GRID2: variants seen among roughly 807,000 people sequenced by gnomAD.
The protein encoded by GRID2 is glutamate ionotropic receptor delta type subunit 2.
A neutral mutation model predicts 114.8 loss-of-function variants in GRID2; 33 were observed. The ratio of observed to expected loss-of-function variants is 0.29; its 90% CI spans 0.22 to 0.38. GRID2 has a LOEUF of 0.38. Among genes scored for constraint, GRID2 ranks in the 10% least tolerant of loss-of-function variants. The pLI is 1.00. For synonymous variants in GRID2, 505 were observed against 449.9 expected, an observed-to-expected ratio of 1.12 and a Z score of -1.55; for missense variants, 1,184 against 1,257.7, an observed-to-expected ratio of 0.94 and a Z score of 0.89.
chr4:92,439,388 G>A (rs1732903510), intron 1 of GRID2, among the ~76,000 whole-genome samples: 1 of 151,998 alleles, frequency 6.6e-6, no homozygotes, highest in Non-Finnish European at 1.5e-5. Context: ...GCTTGGCTTG[G>A]GCTCAGAGGC....
chr4:92,348,282 C>T (rs892964398), intron 1 of GRID2, among the ~76,000 whole-genome samples: 4 of 152,104 alleles, frequency 2.6e-5, no homozygotes, highest in Non-Finnish European at 4.4e-5. Context: ...ATATTTTAGG[C>T]GAATCCTTCT....
At chr4:93,411,624 G>A (rs768625370) in intron 9 of GRID2, among the ~76,000 whole-genome samples, 4 of 151,860 alleles carry the variant, frequency 2.6e-5, no homozygotes, top group African/African-American at 9.7e-5. Flanking sequence ...TAGTAGAGAC[G>A]AGTTTCACTA....
chr4:93,258,339 A>T (rs1749855753), intron 8 of GRID2, among the ~76,000 whole-genome samples: 3 of 151,760 alleles, frequency 2.0e-5, no homozygotes, highest in Admixed American at 2.0e-4. Context: ...TGGGTGAAAT[A>T]GAATAAAAAA....
intron 8 of GRID2, among the ~76,000 whole-genome samples, chr4:93,391,577 A>G (rs965862492): frequency 6.6e-6 from 1 of 152,172 alleles, no homozygotes; most frequent in Non-Finnish European, 1.5e-5. Flanking sequence ...GTATTCAATT[A>G]AGATCTCCCC....
chr4:93,382,109 A>C (rs1490177224), intron 8 of GRID2, among the ~76,000 whole-genome samples: 1 of 152,062 alleles, frequency 6.6e-6, no homozygotes, highest in Non-Finnish European at 1.5e-5. Flanking sequence ...CTGATAAGAT[A>C]TATGCTTATA....
chr4:92,943,287 C>G (rs1289411544), intron 2 of GRID2, among the ~76,000 whole-genome samples: 1 of 152,064 alleles, frequency 6.6e-6, no homozygotes, highest in Non-Finnish European at 1.5e-5. Flanking sequence ...TCTTTTTTCT[C>G]TGAACTTCTC....
chr4:92,832,621 C>T (rs1386689684), intron 2 of GRID2, among the ~76,000 whole-genome samples: 2 of 152,076 alleles, frequency 1.3e-5, no homozygotes, highest in Middle Eastern at 3.4e-3. Flanking sequence ...CTCAAAATCC[C>T]GACCTCAGGT....
intron 4 of GRID2, among the ~76,000 whole-genome samples, chr4:93,186,194 T>A (rs1228472094): frequency 6.6e-6 from 1 of 152,190 alleles, no homozygotes; most frequent in Non-Finnish European, 1.5e-5. Flanking sequence ...TTGTGAATAG[T>A]GCCGCAATAA....
At chr4:93,380,477 A>G (rs1189119695) in intron 8 of GRID2, among the ~76,000 whole-genome samples, 2 of 151,018 alleles carry the variant, frequency 1.3e-5, no homozygotes, top group East Asian at 3.9e-4. Flanking sequence ...GTCGTGATCT[A>G]GTTTGCCTTA....
chr4:93,428,314 C>G (rs1279829966), intron 10 of GRID2, among the ~76,000 whole-genome samples: 2 of 151,996 alleles, frequency 1.3e-5, no homozygotes, highest in Admixed American at 1.3e-4. Flanking sequence ...AATCTTAATG[C>G]TAAACTCTAC....
chr4:92,509,644 G>A (rs1348984651), intron 1 of GRID2, among the ~76,000 whole-genome samples: 1 of 151,948 alleles, frequency 6.6e-6, no homozygotes, highest in South Asian at 2.1e-4. Flanking sequence ...AGGACATTGA[G>A]GTAGAGTAGT....
At chr4:92,896,065 C>T (rs1373988442) in intron 2 of GRID2, among the ~76,000 whole-genome samples, 1 of 152,106 alleles carries the variant, frequency 6.6e-6, no homozygotes, top group East Asian at 1.9e-4. Context: ...CACTTTAGTA[C>T]GTAAATTCCA....
chr4:93,349,235 A>C (rs1195316877), intron 8 of GRID2, among the ~76,000 whole-genome samples: 1 of 152,126 alleles, frequency 6.6e-6, no homozygotes, highest in Non-Finnish European at 1.5e-5. Flanking sequence ...GTCTTATCTC[A>C]CACAGGAGAA....
At chr4:93,570,006 A>G (rs1436116416) in intron 13 of GRID2, among the ~76,000 whole-genome samples, 3 of 152,178 alleles carry the variant, frequency 2.0e-5, no homozygotes, top group Admixed American at 6.6e-5. Context: ...TCTCAATGTT[A>G]TTAGAATATG....
chr4:93,096,750 G>C (rs1468773676), intron 3 of GRID2, among the ~76,000 whole-genome samples: 2 of 151,892 alleles, frequency 1.3e-5, no homozygotes, highest in African/African-American at 2.4e-5. Context: ...CCACTTAGGA[G>C]AGCTGTTTGG....
intron 1 of GRID2, among the ~76,000 whole-genome samples, chr4:92,571,554 C>G (rs887473671): frequency 6.6e-6 from 1 of 152,192 alleles, no homozygotes; most frequent in African/African-American, 2.4e-5. Flanking sequence ...CTACAGAACT[C>G]TCCACCCCAA....
intron 14 of GRID2, among the ~76,000 whole-genome samples, chr4:93,648,041 T>G (rs1722264036): frequency 6.6e-6 from 1 of 152,164 alleles, no homozygotes; most frequent in Admixed American, 6.6e-5. Context: ...AGCTAGGATT[T>G]GAATCCAGAC....
chr4:93,534,581 A>T (rs998281759), intron 13 of GRID2, among the ~76,000 whole-genome samples: 4 of 152,160 alleles, frequency 2.6e-5, no homozygotes, highest in African/African-American at 9.6e-5. Flanking sequence ...TGCCTAAAAG[A>T]TAGAAGATTC....
chr4:92,993,939 A>G (rs1363733217), intron 2 of GRID2, among the ~76,000 whole-genome samples: 1 of 152,174 alleles, frequency 6.6e-6, no homozygotes, highest in South Asian at 2.1e-4. Flanking sequence ...TAAATTATAA[A>G]CATTACTGAA....
Sources: gnomAD v4.1 joint callset for allele counts (sites outside exome capture counted in the v4.1 genomes callset) on GRCh38, gnomAD v4.1.1 for gene constraint, MANE v1.5 for transcripts, NCBI Gene and HGNC (gene_info 2026-07-23, HGNC 2026-07-21) for gene names.